Variants in ADD2 observed in about 807,000 individuals in gnomAD.
The protein encoded by ADD2 is adducin 2.
ADD2 carries 23 observed loss-of-function variants against 83.0 expected under a neutral mutation model. That is an observed-to-expected ratio of 0.28 (90% confidence interval 0.20 to 0.39). ADD2 has a LOEUF of 0.39. Ranked by LOEUF, ADD2 falls within the 10% of genes least tolerant of loss-of-function variation. ADD2 has a pLI of 1.00. For synonymous variants in ADD2, 375 were observed against 375.4 expected, an observed-to-expected ratio of 1.00 and a Z score of 0.01; for missense variants, 758 against 944.9, an observed-to-expected ratio of 0.80 and a Z score of 2.59.
chr2:70,683,798 A>G (rs1359736535), intron 9 of ADD2, 31 bp from the exon 10 acceptor site: 4 of 1,594,436 alleles, frequency 2.5e-6, no homozygotes, highest in Admixed American at 1.7e-5. Flanking sequence ...CCCTCAGCCC[A>G]TGTGCACATG....
intron 1 of ADD2, among the ~76,000 whole-genome samples, chr2:70,720,192 C>T (rs192309971): frequency 1.3e-5 from 2 of 152,110 alleles, no homozygotes; most frequent in African/African-American, 4.8e-5. Context: ...CTATCCCTCC[C>T]CTCTCCAGAC....
chr2:70,704,265 CCCA>C, intron 4 of ADD2, 53 bp downstream of exon 4: 3 of 442,438 alleles, frequency 6.8e-6, no homozygotes, highest in Non-Finnish European at 1.4e-5. Context: ...CCCTCTCTTC[CCCA>C]CCCCACCCTC....
chr2:70,711,705 A>T (rs1574275291), intron 2 of ADD2, among the ~76,000 whole-genome samples: 1 of 152,298 alleles, frequency 6.6e-6, no homozygotes, highest in East Asian at 1.9e-4. Context: ...TGTGCGCCCC[A>T]CCTTACACTC....
At chr2:70,688,935 A>G (rs1344941873) in intron 8 of ADD2, among the ~76,000 whole-genome samples, 2 of 152,066 alleles carry the variant, frequency 1.3e-5, no homozygotes, top group Non-Finnish European at 2.9e-5. Context: ...CGTCTCTACT[A>G]AAAATACAAA....
At position 70,662,125 on chromosome 2, in the gene ADD2, G is replaced by C. The variant is rs3732246; in HGVS notation, c.*1300C>G. On this transcript the variant is annotated 3_prime_UTR_variant, in exon 16 of 16. Transcript: ENST00000264436. ...AAGGAAAAATATTCTTTCAAGACAC[G>C]GTGCTTTCAAGAGAATGGATTGTCT... 6.6e-6 allele frequency: 1 copy of C among 152,046 alleles called. No individual in the cohort carries two copies. Among genetic ancestry groups the C allele is most frequent in the Non-Finnish European group, 1.5e-5 (1 of 68,006 alleles). 9.4% of individuals were successfully genotyped at this position (152,046 alleles called of 1,614,324 possible). A position where few individuals can be genotyped will look rare whatever the true frequency, so the allele number is the denominator to read the frequency against.
intron 1 of ADD2, among the ~76,000 whole-genome samples, chr2:70,748,032 A>G (rs937148112): frequency 6.6e-6 from 1 of 152,162 alleles, no homozygotes; most frequent in African/African-American, 2.4e-5. Flanking sequence ...ATCTTGACAT[A>G]TTATTGCTGA....
intron 2 of ADD2, chr2:70,711,397 A>T (rs1672169150): frequency 6.6e-6 from 1 of 152,116 alleles, no homozygotes; most frequent in Middle Eastern, 3.2e-3. Flanking sequence ...ACCCAAGCAC[A>T]TGATTAGAAG....
rs533519752 is a variant in ADD2 at position 70,679,108 on chromosome 2, C to T, written c.1126-147G>A. 5.0e-6 allele frequency: 5 copies of T among 998,204 alleles called. No individual in the cohort carries two copies. In the East Asian group the frequency reaches 1.1e-4, roughly 21 times the overall value. The allele number at this position is 998,204 out of a possible 1,614,324, so 61.8% of individuals were successfully genotyped here. A position where few individuals can be genotyped will look rare whatever the true frequency, so the allele number is the denominator to read the frequency against. ...CATTAAACAATCTAGGCTTTCCACT[C>T]TTCTGGTATATTTCAGAACTGTTCC... is the stretch of plus-strand genomic sequence containing the variant. On this transcript the variant is annotated intron_variant, in intron 10 of 15. Coordinates refer to ENST00000264436, the MANE Select transcript of ADD2 (RefSeq NM_001617.4).
At chr2:70,688,616 G>A (rs1574244859) in intron 8 of ADD2, among the ~76,000 whole-genome samples, 2 of 152,144 alleles carry the variant, frequency 1.3e-5, no homozygotes, top group East Asian at 3.9e-4. Flanking sequence ...CAAAACCCAG[G>A]GGGCGGCTCT....
intron 1 of ADD2, among the ~76,000 whole-genome samples, chr2:70,727,295 C>G (rs1203529076): frequency 6.6e-6 from 1 of 152,118 alleles, no homozygotes. Context: ...ATACCAGCCC[C>G]AACACTCCCC....
intron 4 of ADD2, among the ~76,000 whole-genome samples, chr2:70,700,238 A>G (rs2104361441): frequency 6.6e-6 from 1 of 152,302 alleles, no homozygotes; most frequent in African/African-American, 2.4e-5. Context: ...CAACACAGAA[A>G]TTAAATAGGC....
rs78804683 is a variant in ADD2 at position 70,761,591 on chromosome 2, GAAAAAAA to G, written c.-154+6288_-154+6294del. ...CCACTGCACTCCAGCCTGGGTGACA[GAAAAAAA>G]AAAAAAAAAAAGGAAGGAAGGAAGG... On this transcript the variant is annotated intron_variant, in intron 1 of 15. Transcript: ENST00000264436. Among the ~76,000 whole-genome samples the G allele has an allele frequency of 1.8e-4, 7 of 39,868 alleles. 1 individual carries two copies. The highest frequency in any genetic ancestry group is 4.3e-4 in the African/African-American group (5 of 11,658). 26.2% of individuals were successfully genotyped at this position (39,868 alleles called of 152,430 possible). A position where few individuals can be genotyped will look rare whatever the true frequency, so the allele number is the denominator to read the frequency against.
chr2:70,693,113 T>G (rs1671135536), intron 6 of ADD2, among the ~76,000 whole-genome samples: 1 of 152,046 alleles, frequency 6.6e-6, no homozygotes, highest in Non-Finnish European at 1.5e-5. Flanking sequence ...GTGCCCCTAC[T>G]CCCCTGCCTC....
At position 70,706,661 on chromosome 2, in the gene ADD2, G is replaced by C. The variant is rs1331492106; in HGVS notation, c.-34-219C>G. On this transcript the variant is annotated intron_variant, in intron 2 of 15. Coordinates refer to ENST00000264436, the MANE Select transcript of ADD2 (RefSeq NM_001617.4). This position sits in a 1 kb window ranked among gnomAD's most constrained non-coding sequence, Gnocchi z 5.0. ...GTGCCATGAGACTAAGTAAAAACAT[G>C]GGTTCAGGTGTCCACTCCCTTCCCC... Among the ~76,000 whole-genome samples, 1 of 152,138 alleles carries C rather than the reference G, an allele frequency of 6.6e-6. No homozygotes were observed. The highest frequency in any genetic ancestry group is 1.5e-5 in the Non-Finnish European group (1 of 68,018).
intron 1 of ADD2, among the ~76,000 whole-genome samples, chr2:70,749,961 T>C (rs1007751920): frequency 3.3e-5 from 5 of 152,176 alleles, no homozygotes; most frequent in East Asian, 1.9e-4. Context: ...TTAACCAATA[T>C]AGAGTGTCAC....
At chr2:70,759,330 A>G (rs1553384458) in intron 1 of ADD2, among the ~76,000 whole-genome samples, 1 of 152,162 alleles carries the variant, frequency 6.6e-6, no homozygotes. Flanking sequence ...ATACTTTTGT[A>G]TCTTTATTTT....
At chr2:70,698,847 A>ATG (rs1553373115) in intron 4 of ADD2, among the ~76,000 whole-genome samples, 1 of 152,160 alleles carries the variant, frequency 6.6e-6, no homozygotes, top group Non-Finnish European at 1.5e-5. Context: ...GAAAACACAG[A>ATG]AAAAGATGAA....
intron 4 of ADD2, 128 bp from the exon 5 acceptor site, chr2:70,696,524 A>C: frequency 7.9e-7 from 1 of 1,263,122 alleles, no homozygotes; most frequent in Non-Finnish European, 1.1e-6. Context: ...GGAATTAAAC[A>C]TTCTTTGACC....
rs1553367871 is a variant in ADD2, at chr2:70,674,768, C to T, written c.1651G>A (p.Glu551Lys). The T allele has an allele frequency of 6.2e-7, 1 of 1,614,156 alleles. No homozygotes were observed. Among genetic ancestry groups the T allele is most frequent in the Non-Finnish European group, 8.5e-7 (1 of 1,180,026 alleles). Residue 551 changes from glutamate (E) to lysine (K), a missense_variant, in exon 14 of 16, where the codon GAG becomes AAG. Physicochemically the swap from Glu to Lys is moderately conservative, Grantham distance 56. Transcript: ENST00000264436. ...TGGCTGAAGGGGTTGGGCACCGTCT[C>T]CTCTGAATCGTCTTTGGTATCCTCG... is the stretch of plus-strand genomic sequence containing the variant. ...GDEDTKDDSE[E>K]TVPNPFSQLT...
Sources: gnomAD v4.1 joint callset for allele counts (sites outside exome capture counted in the v4.1 genomes callset) on GRCh38, gnomAD v4.1.1 for gene constraint, Gnocchi (gnomAD v3.1) non-coding constraint, MANE v1.5 for transcripts, NCBI Gene and HGNC (gene_info 2026-07-23, HGNC 2026-07-21) for gene names.